Variants in FAM210A observed in about 807,000 individuals in gnomAD.
FAM210A encodes the protein family with sequence similarity 210 member A.
FAM210A carries 13 observed loss-of-function variants against 25.3 expected under a neutral mutation model. The observed-to-expected ratio is 0.51, with a 90% CI of 0.33 to 0.82. The LOEUF (loss-of-function observed/expected upper bound fraction) is 0.82. Among genes scored for constraint, FAM210A ranks in the 40% least tolerant of loss-of-function variants. The pLI is 0.02. For missense variants in FAM210A, 319 were observed against 323.2 expected (o/e 0.99, Z 0.10); for synonymous variants, 125 against 118.7 (o/e 1.05, Z -0.35).
intron 2 of FAM210A, among the ~76,000 whole-genome samples, chr18:13,673,464 G>A (rs891136254): frequency 2.3e-4 from 34 of 146,014 alleles, no homozygotes; most frequent in African/African-American, 7.4e-4. Context: ...CCTGAACCCC[G>A]ACTTCTTTAT....
At chr18:13,698,718 A>T (rs1010964256) in intron 1 of FAM210A, among the ~76,000 whole-genome samples, 5 of 152,210 alleles carry the variant, frequency 3.3e-5, no homozygotes, top group Non-Finnish European at 5.9e-5. Context: ...TCCCTATCAT[A>T]TCTTGCTGGG....
chr18:13,673,246 G>A (rs199596826), intron 2 of FAM210A, among the ~76,000 whole-genome samples: 18 of 136,634 alleles, frequency 1.3e-4, no homozygotes, highest in South Asian at 2.4e-4. Flanking sequence ...CCTGAGCCCC[G>A]ACTTCATTTC....
intron 1 of FAM210A, among the ~76,000 whole-genome samples, chr18:13,686,825 G>C (rs2043601438): frequency 6.6e-6 from 1 of 152,164 alleles, no homozygotes; most frequent in Admixed American, 6.5e-5. Flanking sequence ...CCCAGGCTGA[G>C]GTTGATTAGT....
At chr18:13,724,891 A>C (rs1289356168) in intron 1 of FAM210A, among the ~76,000 whole-genome samples, 1 of 152,124 alleles carries the variant, frequency 6.6e-6, no homozygotes, top group Admixed American at 6.6e-5. Context: ...CTCCTGCCTC[A>C]GCCTCCTGAG....
chr18:13,724,255 C>A (rs1442690353), intron 1 of FAM210A, among the ~76,000 whole-genome samples: 1 of 152,196 alleles, frequency 6.6e-6, no homozygotes, highest in Non-Finnish European at 1.5e-5. Flanking sequence ...TGCTAGGCAA[C>A]GTCCAGTTCT....
intron 3 of FAM210A, among the ~76,000 whole-genome samples, chr18:13,668,047 C>T (rs1037884816): frequency 5.9e-5 from 9 of 152,170 alleles, no homozygotes; most frequent in African/African-American, 2.2e-4. Flanking sequence ...TGGGAAACAG[C>T]AAGATCCTGT....
At chr18:13,685,787 C>A (rs914296178) in intron 1 of FAM210A, among the ~76,000 whole-genome samples, 2 of 152,214 alleles carry the variant, frequency 1.3e-5, no homozygotes, top group Non-Finnish European at 2.9e-5. Flanking sequence ...AGACCCTGGT[C>A]ACTCATTTGG....
intron 1 of FAM210A, among the ~76,000 whole-genome samples, chr18:13,683,962 C>A (rs754639264): frequency 6.6e-6 from 1 of 152,172 alleles, no homozygotes; most frequent in Admixed American, 6.5e-5. Context: ...AAAAATTAAT[C>A]CCCTGACTCA....
chr18:13,681,511 A>G, intron 2 of FAM210A, 94 bp downstream of exon 2: 1 of 991,854 alleles, frequency 1.0e-6, no homozygotes, highest in Non-Finnish European at 1.5e-6. Context: ...AAAAACATTA[A>G]AGCATTTAAA....
chr18:13,720,980 C>G (rs1485933035), intron 1 of FAM210A, among the ~76,000 whole-genome samples: 1 of 152,164 alleles, frequency 6.6e-6, no homozygotes, highest in East Asian at 1.9e-4. Context: ...TTTATAAGGA[C>G]ACCAGTTGTG....
intron 2 of FAM210A, among the ~76,000 whole-genome samples, chr18:13,679,003 G>T (rs73954894): frequency 0.011 from 1,716 of 152,308 alleles, 38 homozygotes; most frequent in African/African-American, 0.039. Context: ...GCAAGGCTTT[G>T]CCAGATAGGA....
intron 2 of FAM210A, among the ~76,000 whole-genome samples, chr18:13,676,019 G>T (rs2043495982): frequency 7.6e-6 from 1 of 130,856 alleles, no homozygotes; most frequent in Admixed American, 8.1e-5. Flanking sequence ...TAACATTCCT[G>T]AGCCGCTGAC....
intron 1 of FAM210A, among the ~76,000 whole-genome samples, chr18:13,718,905 C>T (rs2043879835): frequency 6.6e-6 from 1 of 152,118 alleles, no homozygotes; most frequent in African/African-American, 2.4e-5. Flanking sequence ...TTTACTGTAT[C>T]AAGCATATTT....
intron 1 of FAM210A, among the ~76,000 whole-genome samples, chr18:13,717,334 AG>A (rs2043868746): frequency 6.6e-6 from 1 of 152,162 alleles, no homozygotes. Flanking sequence ...TTAGAGACAG[AG>A]TGTCACTCTG....
At chr18:13,708,843 C>T (rs557219727) in intron 1 of FAM210A, among the ~76,000 whole-genome samples, 7 of 139,746 alleles carry the variant, frequency 5.0e-5, no homozygotes, top group Admixed American at 4.2e-4. Context: ...TAGTTCAAAT[C>T]TAACAGTTTC....
intron 1 of FAM210A, among the ~76,000 whole-genome samples, chr18:13,696,116 T>A (rs192700419): frequency 6.6e-6 from 1 of 152,334 alleles, no homozygotes; most frequent in African/African-American, 2.4e-5. Flanking sequence ...TCTACATTCA[T>A]AGATAGACTC....
At chr18:13,708,766 C>T (rs2043799981) in intron 1 of FAM210A, among the ~76,000 whole-genome samples, 1 of 152,304 alleles carries the variant, frequency 6.6e-6, no homozygotes, top group African/African-American at 2.4e-5. Context: ...CTTTTAGCTA[C>T]CAGCCTCCAT....
In FAM210A at chr18:13,665,491, T is replaced by C. The variant is rs1180989184; in HGVS notation, c.*989A>G. On this transcript the variant is annotated 3_prime_UTR_variant, in exon 4 of 4. Transcript: ENST00000651643. ...CACAATTTAAAACTTTACTCCATAA[T>C]GAAATCAGCATGAATTCTGAAACTA... 1 of 150,696 alleles carries C rather than the reference T, an allele frequency of 6.6e-6. No homozygotes were observed. The highest frequency in any genetic ancestry group is 1.9e-4 in the East Asian group (1 of 5,136). 9.3% of individuals were successfully genotyped at this position (150,696 alleles called of 1,614,324 possible).
chr18:13,703,713 G>A (rs183738128), intron 1 of FAM210A, among the ~76,000 whole-genome samples: 107 of 152,176 alleles, frequency 7.0e-4, no homozygotes, highest in Non-Finnish European at 1.2e-3. Context: ...TGTGTATAGC[G>A]TTTACGTAAA....
Sources: allele counts gnomAD v4.1 joint callset (sites outside exome capture counted in the v4.1 genomes callset), GRCh38; gene constraint gnomAD v4.1.1; transcripts MANE v1.5; gene names NCBI Gene and HGNC (gene_info 2026-07-23, HGNC 2026-07-21).